HNMT: variants seen among roughly 807,000 people sequenced by gnomAD.
The protein encoded by HNMT is histamine N-methyltransferase.
A neutral mutation model predicts 32.1 loss-of-function variants in HNMT; 30 were observed. The observed-to-expected ratio is 0.93, with a 90% CI of 0.70 to 1.27. The LOEUF is 1.27. Ranked by LOEUF, HNMT falls within the 50% of genes most tolerant of loss-of-function variation. The pLI is 0.00. For synonymous variants in HNMT, 125 were observed against 119.0 expected, an observed-to-expected ratio of 1.05 and a Z score of -0.33; for missense variants, 327 against 346.0, an observed-to-expected ratio of 0.95 and a Z score of 0.43.
intron 2 of HNMT, among the ~76,000 whole-genome samples, chr2:137,975,584 A>T (rs1680262682): frequency 6.6e-6 from 1 of 152,298 alleles, no homozygotes; most frequent in Admixed American, 6.5e-5. Flanking sequence ...TGAAAATCTA[A>T]CCTTATCAGA....
chr2:137,970,216 A>G lies in HNMT; in HGVS notation c.189A>G (p.Ala63=), dbSNP rs775955128. The stretch of plus-strand genomic sequence containing the variant: ...AGATTCTAAGCATAGGCGGAGGTGC[A>G]GGTATGAGTAATATATTTTTAAAGT... ...EIKILSIGGG[A]GEIDLQILSK... is the part of the protein sequence containing the mutation. The change falls in exon 2 of 6, where the codon GCA becomes GCG. Residue 63 remains alanine (A), a splice_region_variant and synonymous_variant. Coordinates refer to ENST00000280097, the MANE Select transcript of HNMT (RefSeq NM_006895.3). 7.2e-6 allele frequency: 11 copies of G among 1,518,984 alleles called. No homozygotes were observed. The highest frequency in any genetic ancestry group is 7.0e-5 in the Admixed American group (4 of 56,758). The allele number at this position is 1,518,984 out of a possible 1,614,324, so 94.1% of individuals were successfully genotyped here. A position where few individuals can be genotyped will look rare whatever the true frequency, so the allele number is the denominator to read the frequency against.
chr2:138,002,703 T>A, intron 4 of HNMT: 1 of 636,084 alleles, frequency 1.6e-6, no homozygotes, highest in Non-Finnish European at 2.0e-6. Context: ...CTCTTCAACC[T>A]CCAAAAGTGT....
intron 2 of HNMT, among the ~76,000 whole-genome samples, chr2:137,987,777 A>G (rs747635792): frequency 3.9e-5 from 6 of 152,168 alleles, no homozygotes; most frequent in Admixed American, 1.3e-4. Flanking sequence ...TGTTGGAAGC[A>G]AGCCTTTGCT....
At chr2:138,009,729 C>G (rs4646331) in intron 5 of HNMT, among the ~76,000 whole-genome samples, 30,037 of 151,962 alleles carry the variant, frequency 0.2, 3,418 homozygotes, top group South Asian at 0.3. Context: ...AAAATTACTA[C>G]TCATTGTTTT....
At chr2:137,992,961 T>C (rs1355781080) in intron 2 of HNMT, among the ~76,000 whole-genome samples, 4 of 151,446 alleles carry the variant, frequency 2.6e-5, no homozygotes, top group Middle Eastern at 3.2e-3. Context: ...GACCTAACCA[T>C]TGAAAGAAAA....
intron 2 of HNMT, among the ~76,000 whole-genome samples, chr2:137,972,150 G>A (rs1680156642): frequency 6.6e-6 from 1 of 152,060 alleles, no homozygotes; most frequent in Non-Finnish European, 1.5e-5. Context: ...TGTTGCCCAG[G>A]CTAGAGTACA....
intron 2 of HNMT, among the ~76,000 whole-genome samples, chr2:137,978,742 G>A (rs1680378289): frequency 1.4e-5 from 2 of 139,446 alleles, no homozygotes; most frequent in Non-Finnish European, 1.5e-5. Context: ...ATATAATATA[G>A]TATTATACAA....
chr2:138,000,056 A>G (rs1483061553), intron 2 of HNMT, among the ~76,000 whole-genome samples: 3 of 152,146 alleles, frequency 2.0e-5, no homozygotes, highest in Admixed American at 6.5e-5. Context: ...TACAGGCTGA[A>G]TTTTCACCAG....
intron 4 of HNMT, chr2:138,002,646 T>G (rs771532300): frequency 4.6e-5 from 11 of 240,670 alleles, no homozygotes; most frequent in Non-Finnish European, 7.4e-5. Context: ...GGGGTCATAC[T>G]ATGTTGCCCA....
At chr2:137,970,919 CAAAA>C (rs1179144967) in intron 2 of HNMT, among the ~76,000 whole-genome samples, 2 of 18,348 alleles carry the variant, frequency 1.1e-4, no homozygotes, top group Non-Finnish European at 2.1e-4. Flanking sequence ...GACTACGTCT[CAAAA>C]AAAAAAAAAA....
intron 2 of HNMT, among the ~76,000 whole-genome samples, chr2:137,998,296 CTCA>C (rs1365983942): frequency 1.3e-5 from 2 of 152,030 alleles, no homozygotes; most frequent in African/African-American, 4.8e-5. Context: ...GAACAAATTT[CTCA>C]TATTAGTAAA....
chr2:137,994,499 T>C (rs1296546681), intron 2 of HNMT, among the ~76,000 whole-genome samples: 1 of 152,166 alleles, frequency 6.6e-6, no homozygotes, highest in African/African-American at 2.4e-5. Flanking sequence ...ATGCACCCTA[T>C]ACAAGAGCAC....
chr2:138,013,118 G>GT (rs1264315474), intron 5 of HNMT, among the ~76,000 whole-genome samples: 2 of 152,142 alleles, frequency 1.3e-5, no homozygotes, highest in African/African-American at 4.8e-5. Flanking sequence ...CAGGTCTTCA[G>GT]TAACACTTGA....
At chr2:137,977,472 G>C (rs990236139) in intron 2 of HNMT, among the ~76,000 whole-genome samples, 6 of 152,072 alleles carry the variant, frequency 3.9e-5, no homozygotes, top group African/African-American at 1.4e-4. Context: ...GGGGATTGGG[G>C]GGGTTGCAGG....
rs566649667 is a variant in HNMT, at chr2:137,989,348, C to T, written c.191-11570C>T. On this transcript the variant is annotated intron_variant, in intron 2 of 5. Coordinates refer to ENST00000280097, the MANE Select transcript of HNMT (RefSeq NM_006895.3). ...ACAGCATGTAACCTTTTCATATTGG[C>T]TCCGTTCAGATAGTAATATGCATTT... 8.2e-4 allele frequency among the ~76,000 whole-genome samples: 125 copies of T among 152,314 alleles called. 1 individual carries two copies. The highest frequency in any genetic ancestry group is 2.9e-3 in the African/African-American group (122 of 41,560).
chr2:138,003,049 A>C (rs1573674379), intron 4 of HNMT, among the ~76,000 whole-genome samples: 1 of 135,172 alleles, frequency 7.4e-6, no homozygotes, highest in East Asian at 2.3e-4. Context: ...ACACATGGAC[A>C]CAGGAAAGGG....
chr2:137,985,075 TATA>T (rs768515341), intron 2 of HNMT, among the ~76,000 whole-genome samples: 2 of 152,146 alleles, frequency 1.3e-5, no homozygotes, highest in Admixed American at 6.5e-5. Flanking sequence ...ATTATAATTT[TATA>T]ATGACAGACC....
intron 2 of HNMT, among the ~76,000 whole-genome samples, chr2:137,995,090 C>G (rs1268043464): frequency 6.6e-6 from 1 of 151,988 alleles, no homozygotes; most frequent in Non-Finnish European, 1.5e-5. Flanking sequence ...GACACCCTAA[C>G]ATCACAATTA....
intron 2 of HNMT, among the ~76,000 whole-genome samples, chr2:137,987,970 T>C (rs916276333): frequency 5.3e-5 from 8 of 152,092 alleles, no homozygotes; most frequent in Admixed American, 4.6e-4. Context: ...GTTTTAGATG[T>C]GTAGGAGTTA....
Sources: gnomAD v4.1 joint callset for allele counts (sites outside exome capture counted in the v4.1 genomes callset) on GRCh38, gnomAD v4.1.1 for gene constraint, MANE v1.5 for transcripts, NCBI Gene and HGNC (gene_info 2026-07-23, HGNC 2026-07-21) for gene names.